Variants in LRRC53 observed in about 807,000 individuals in gnomAD.
LRRC53 encodes leucine rich repeat containing 53, also known as leucine-rich repeat-containing protein 53.
LRRC53 carries 25 observed loss-of-function variants against 13.6 expected under a neutral mutation model. That is an observed-to-expected ratio of 1.83 (90% CI 1.34 to 2.56). The LOEUF is 2.56. Among genes scored for constraint, LRRC53 ranks in the 30% most tolerant of loss-of-function variants. The pLI, the probability that LRRC53 is intolerant of heterozygous loss-of-function variation, is 0.00. For missense variants in LRRC53, 527 were observed against 275.8 expected, an observed-to-expected ratio of 1.91 and a Z score of -6.45; for synonymous variants, 204 against 109.8, an observed-to-expected ratio of 1.86 and a Z score of -5.37.
chr1:74,519,091 T>C, the LRRC53 span, among the ~76,000 whole-genome samples: 1 of 94,408 alleles, frequency 1.1e-5, no homozygotes, highest in Non-Finnish European at 1.9e-5. Flanking sequence ...GTCCATGTGA[T>C]CTCATTGTTC....
rs1668417013 is a variant in LRRC53 at position 74,480,265 on chromosome 1, C to T, written c.792G>A (p.Leu264=). The change falls in exon 3 of 5, where the codon CTG becomes CTA. Residue 264 remains leucine (L), a synonymous_variant. Coordinates refer to ENST00000294635, the MANE Select transcript of LRRC53 (RefSeq NM_001382280.1). ...AVAAAQSVLR[L]SETNCDSKAP... is the part of the protein sequence containing the mutation. The stretch of plus-strand genomic sequence containing the variant: ...CTTTGGAATCACAGTTGGTCTCAGA[C>T]AGCCTCAGCACACTCTGTGCAGCTG... 1 of 717,434 alleles carries T rather than the reference C, an allele frequency of 1.4e-6. No individual in the cohort carries two copies. Among genetic ancestry groups the T allele is most frequent in the Admixed American group, 2.0e-5 (1 of 50,000 alleles). The allele number at this position is 717,434 out of a possible 1,614,324, so 44.4% of individuals were successfully genotyped here.
chr1:74,501,669 A>G (rs997383682), intron 1 of LRRC53, among the ~76,000 whole-genome samples: 1 of 152,006 alleles, frequency 6.6e-6, no homozygotes, highest in Non-Finnish European at 1.5e-5. Flanking sequence ...GTACTTTTTT[A>G]GTAGAGACGG....
chr1:74,471,609 C>A lies in LRRC53; in HGVS notation c.2013G>T (p.Leu671=). 1 of 400,682 alleles carries A rather than the reference C, an allele frequency of 2.5e-6. No homozygotes were observed. The highest frequency in any genetic ancestry group is 1.3e-4 in the South Asian group (1 of 7,928). 24.8% of individuals were successfully genotyped at this position (400,682 alleles called of 1,614,324 possible). The change falls in exon 5 of 5, where the codon CTG becomes CTT. Residue 671 remains leucine (L), a synonymous_variant. Transcript: ENST00000294635. ...WKRQKNQSNQ[L]TKLDVKKFSN... The stretch of plus-strand genomic sequence containing the variant: ...TAAATTTTTTAACATCCAACTTAGT[C>A]AGTTGGTTACTTTGATTTTTCTGTC...
chr1:74,480,932 T>C lies in LRRC53; in HGVS notation c.125A>G (p.Asp42Gly), dbSNP rs181434347. ...GCTCTCAATAGAGGAGAGATATCCA[T>C]CGGTGATGATTAAAACCCTCGTGGT... ...PMTTRVLIIT[D>G]GYLSSIESTN... The change falls in exon 3 of 5, where the codon GAT (aspartate) becomes GGT (glycine). Residue 42 changes from aspartate (D) to glycine (G), a missense_variant. Transcript: ENST00000294635. 7.7e-5 allele frequency: 55 copies of C among 717,068 alleles called. No homozygotes were observed. The highest frequency in any genetic ancestry group is 4.6e-4 in the Middle Eastern group (2 of 4,368). The allele number at this position is 717,068 out of a possible 1,614,324, so 44.4% of individuals were successfully genotyped here.
rs549216711 is a variant in LRRC53, at chr1:74,508,276, A to C, written c.-27+4250T>G. ...CATGTACCCTAGAACTTAAAGTATA[A>C]TAAAAATAGTAATAATAATAGCCAT... is the stretch of plus-strand genomic sequence containing the variant. On this transcript the variant is annotated intron_variant, in intron 1 of 4. Coordinates refer to ENST00000294635, the MANE Select transcript of LRRC53 (RefSeq NM_001382280.1). 2.6e-5 allele frequency among the ~76,000 whole-genome samples: 4 copies of C among 152,376 alleles called. No homozygotes were observed. The South Asian group carries it at 8.3e-4, about 32-fold the overall frequency.
At chr1:74,528,605 G>A in the LRRC53 span, among the ~76,000 whole-genome samples, 271 of 152,308 alleles carry the variant, frequency 1.8e-3, no homozygotes, top group African/African-American at 6.2e-3. Context: ...GTCAGAGAAT[G>A]GTGTGAATAT....
At position 74,471,422 on chromosome 1, in the gene LRRC53, AT is replaced by A; in HGVS notation, c.2199del (p.Lys733AsnfsTer30). 1 of 400,574 alleles carries A rather than the reference AT, an allele frequency of 2.5e-6. No individual in the cohort carries two copies. The highest frequency in any genetic ancestry group is 4.4e-6 in the Non-Finnish European group (1 of 226,128). The allele number at this position is 400,574 out of a possible 1,614,324, so 24.8% of individuals were successfully genotyped here. A position where few individuals can be genotyped will look rare whatever the true frequency, so the allele number is the denominator to read the frequency against. ...PFRKVRVHPE[K>X]SLSSLPKQCK... ...CATTGCTTTGGGAGACTTGACAAGG[AT>A]TTTTCTGGATGGACTCTGACTTTTC... On this transcript the variant is annotated frameshift_variant, in exon 5 of 5. Transcript: ENST00000294635. LOFTEE classifies it low-confidence loss of function (END_TRUNC).
rs1667857426 is a variant in LRRC53, at chr1:74,470,251, T to A, written c.3371A>T (p.Tyr1124Phe). 4 of 400,582 alleles carry A rather than the reference T, an allele frequency of 1.0e-5. No individual in the cohort carries two copies. Among genetic ancestry groups the A allele is most frequent in the Middle Eastern group, 3.1e-4 (1 of 3,242 alleles). The allele number at this position is 400,582 out of a possible 1,614,324, so 24.8% of individuals were successfully genotyped here. ...GGCAGAGCTTGCATCATGTAATATA[T>A]ATTTTTCACTTGTTCCATTTTCCCA... ...QTWENGTSEKYILHDASSAEE... is the reference protein window; with the variant it reads ...QTWENGTSEKFILHDASSAEE... Residue 1124 changes from tyrosine (Y) to phenylalanine (F), a missense_variant, in exon 5 of 5, where the codon TAT becomes TTT. Tyr to Phe is a conservative substitution (Grantham distance 22). Coordinates refer to ENST00000294635, the MANE Select transcript of LRRC53 (RefSeq NM_001382280.1).
At chr1:74,506,617 A>T (rs1197304326) in intron 1 of LRRC53, among the ~76,000 whole-genome samples, 2 of 152,220 alleles carry the variant, frequency 1.3e-5, no homozygotes, top group African/African-American at 4.8e-5. Flanking sequence ...CAGCTCTGGC[A>T]TCACCTAGGA....
chr1:74,495,444 T>A (rs1010925991), intron 1 of LRRC53, among the ~76,000 whole-genome samples: 1 of 152,194 alleles, frequency 6.6e-6, no homozygotes, highest in Non-Finnish European at 1.5e-5. Context: ...AGATAAAGAA[T>A]AAAAAATTGG....
chr1:74,480,312 G>A lies in LRRC53; in HGVS notation c.745C>T (p.Gln249Ter). The change falls in exon 3 of 5, where the codon CAG becomes TAG. Residue 249 changes from glutamine to a stop codon, truncating the protein, a stop_gained. Coordinates refer to ENST00000294635, the MANE Select transcript of LRRC53 (RefSeq NM_001382280.1). LOFTEE classifies it high-confidence loss of function. Reference sequence around the variant, plus strand: ...GCTGCCACAGCTGCGGTAGATGGCTGGCAATTTAGGTCCTTGGCATTCCTG... The same window carrying A: ...GCTGCCACAGCTGCGGTAGATGGCTAGCAATTTAGGTCCTTGGCATTCCTG... ...TLRNAKDLNC[Q>*]PSTAAVAAAQ... 1.4e-6 allele frequency: 1 copy of A among 717,738 alleles called. No homozygotes were observed. 44.5% of individuals were successfully genotyped at this position (717,738 alleles called of 1,614,324 possible).
the LRRC53 span, among the ~76,000 whole-genome samples, chr1:74,536,826 T>C: frequency 6.6e-6 from 1 of 152,124 alleles, no homozygotes; most frequent in Non-Finnish European, 1.5e-5. Context: ...TGCATTTACT[T>C]TTGTTGAATT....
intron 3 of LRRC53, among the ~76,000 whole-genome samples, 194 bp downstream of exon 3, chr1:74,479,959 T>C (rs1378184271): frequency 1.3e-5 from 2 of 152,238 alleles, no homozygotes; most frequent in Non-Finnish European, 2.9e-5. Flanking sequence ...CTTTCCTCTA[T>C]GTTAGACAGC....
chr1:74,513,972 TAAGTA>T (rs1443207068), upstream of LRRC53, among the ~76,000 whole-genome samples: 2 of 152,150 alleles, frequency 1.3e-5, no homozygotes, highest in Non-Finnish European at 2.9e-5. Flanking sequence ...AAAAACTAAT[TAAGTA>T]AAGTTATCTT....
At chr1:74,481,107 A>G (rs1239630944) in intron 2 of LRRC53, 139 bp from the exon 3 acceptor site, 1 of 570,716 alleles carries the variant, frequency 1.8e-6, no homozygotes, top group Non-Finnish European at 3.1e-6. Context: ...AAAAATGAAA[A>G]TGATTTTCTG....
intron 1 of LRRC53, among the ~76,000 whole-genome samples, chr1:74,507,779 C>T (rs991875507): frequency 6.6e-6 from 1 of 152,102 alleles, no homozygotes; most frequent in African/African-American, 2.4e-5. Context: ...CATGAGCTAC[C>T]GTCATCCAGG....
At chr1:74,487,147 G>A (rs1308001015) in intron 1 of LRRC53, among the ~76,000 whole-genome samples, 1 of 152,162 alleles carries the variant, frequency 6.6e-6, no homozygotes, top group African/African-American at 2.4e-5. Context: ...TAAGATAGGA[G>A]AATGTATAGT....
At chr1:74,535,604 C>A in the LRRC53 span, among the ~76,000 whole-genome samples, 1 of 152,288 alleles carries the variant, frequency 6.6e-6, no homozygotes, top group African/African-American at 2.4e-5. Flanking sequence ...GTGCTTCAGT[C>A]CTTAGCTTAC....
the LRRC53 span, among the ~76,000 whole-genome samples, chr1:74,520,395 C>T: frequency 1.3e-5 from 2 of 152,014 alleles, no homozygotes; most frequent in African/African-American, 2.4e-5. Context: ...TCTTCCTCAG[C>T]CCCTCCAGTC....
Sources: allele counts gnomAD v4.1 joint callset (sites outside exome capture counted in the v4.1 genomes callset), GRCh38; gene constraint gnomAD v4.1.1; transcripts MANE v1.5; gene names NCBI Gene and HGNC (gene_info 2026-07-23, HGNC 2026-07-21).